The following ATG7 variants were observed in gnomAD, a reference collection of about 807,000 sequenced individuals.
The protein encoded by ATG7 is autophagy related 7, also known as ubiquitin-like modifier-activating enzyme ATG7.
In ATG7, 70 loss-of-function variants were observed where a neutral mutation model predicts 82.4. The ratio of observed to expected loss-of-function variants is 0.85; its 90% confidence interval spans 0.70 to 1.04. The LOEUF is 1.04. Ranked by LOEUF, ATG7 falls within the 50% of genes least tolerant of loss-of-function variation. ATG7 has a pLI of 0.00. For missense variants in ATG7, 792 were observed against 864.3 expected, an observed-to-expected ratio of 0.92 and a Z score of 1.05; for synonymous variants, 287 against 313.0, an observed-to-expected ratio of 0.92 and a Z score of 0.88.
intron 19 of ATG7, among the ~76,000 whole-genome samples, chr3:11,425,446 T>C (rs1469432188): frequency 6.6e-6 from 1 of 152,234 alleles, no homozygotes; most frequent in African/African-American, 2.4e-5. Context: ...GCATTGTTGA[T>C]TTCTTAGATA....
intron 18 of ATG7, among the ~76,000 whole-genome samples, chr3:11,370,512 T>G (rs2076924425): frequency 6.6e-6 from 1 of 151,256 alleles, no homozygotes; most frequent in Admixed American, 6.6e-5. Context: ...TTAGTTTTTA[T>G]TTATGCGAAC....
chr3:11,503,301 A>G (rs1177758474), intron 20 of ATG7, among the ~76,000 whole-genome samples: 1 of 152,224 alleles, frequency 6.6e-6, no homozygotes, highest in Non-Finnish European at 1.5e-5. Flanking sequence ...ACTAGACTAA[A>G]TTTGAAGGAA....
In ATG7 at chr3:11,274,492, T is replaced by C. The variant is rs143794261; in HGVS notation, c.-366+2062T>C. 8.4e-3 allele frequency among the ~76,000 whole-genome samples: 1,282 copies of C among 152,064 alleles called. 7 individuals carry two copies. Among genetic ancestry groups the C allele is most frequent in the Non-Finnish European group, 0.012 (805 of 67,986 alleles). On this transcript the variant is annotated intron_variant, in intron 1 of 20. Coordinates refer to ENST00000693202, the MANE Select transcript of ATG7 (RefSeq NM_001349232.2). ...CTGACAGGTGAAGAGTGGTTCGAAG[T>C]GAGATGAGCAAAGGGCTAGAGGTGA...
At chr3:11,530,762 C>T (rs982244288) in intron 20 of ATG7, among the ~76,000 whole-genome samples, 3 of 152,196 alleles carry the variant, frequency 2.0e-5, no homozygotes, top group African/African-American at 7.2e-5. Flanking sequence ...AGGCAGATCA[C>T]TTGAGGTCAG....
rs374004870 is a variant in ATG7 at position 11,440,416 on chromosome 3, C to G, written c.2079+13490C>G. Among the ~76,000 whole-genome samples the G allele has an allele frequency of 3.8e-3, 553 of 146,984 alleles. 5 individuals are homozygous for G. The highest frequency in any genetic ancestry group is 0.013 in the African/African-American group (514 of 39,940). On this transcript the variant is annotated intron_variant, in intron 20 of 20. Coordinates refer to ENST00000693202, the MANE Select transcript of ATG7 (RefSeq NM_001349232.2). The stretch of plus-strand genomic sequence containing the variant: ...CTCGGCTCACTGCAAGCTCCGCCTC[C>G]CGGGTTCACGCCATTCTCCTGCCTC...
At chr3:11,564,931 G>A in the ATG7 span, 4 of 1,587,574 alleles carry the variant, frequency 2.5e-6, no homozygotes, top group Non-Finnish European at 3.4e-6. Flanking sequence ...CTGCCGTGCA[G>A]GCTCATGGTG....
At chr3:11,457,143 G>A (rs931884451) in intron 20 of ATG7, among the ~76,000 whole-genome samples, 8 of 152,170 alleles carry the variant, frequency 5.3e-5, no homozygotes, top group Admixed American at 2.6e-4. Context: ...CAGACCCTAA[G>A]AAAACAGCTT....
chr3:11,441,056 G>T (rs2083900953), intron 20 of ATG7, among the ~76,000 whole-genome samples: 1 of 152,088 alleles, frequency 6.6e-6, no homozygotes, highest in Non-Finnish European at 1.5e-5. Context: ...TCTTATTGTT[G>T]CAGGACAAAG....
chr3:11,492,247 T>G (rs1282655128), intron 20 of ATG7, among the ~76,000 whole-genome samples: 3 of 152,194 alleles, frequency 2.0e-5, no homozygotes, highest in South Asian at 2.1e-4. Context: ...TGTCACCCCT[T>G]TCTTTGACTA....
At chr3:11,293,211 C>T (rs1945247412) in intron 3 of ATG7, among the ~76,000 whole-genome samples, 1 of 152,134 alleles carries the variant, frequency 6.6e-6, no homozygotes, top group African/African-American at 2.4e-5. Flanking sequence ...GATTCATTGG[C>T]ATACAGACAG....
At chr3:11,549,708 C>T (rs2071600456) in intron 20 of ATG7, among the ~76,000 whole-genome samples, 1 of 152,184 alleles carries the variant, frequency 6.6e-6, no homozygotes, top group Non-Finnish European at 1.5e-5. Context: ...CATTCTGGCT[C>T]AAGTTTTTCT....
intron 16 of ATG7, among the ~76,000 whole-genome samples, chr3:11,361,716 G>A (rs1313193657): frequency 6.6e-6 from 1 of 152,196 alleles, no homozygotes; most frequent in Non-Finnish European, 1.5e-5. Context: ...GAGGAGGGAA[G>A]AATACCTGCC....
At chr3:11,347,854 C>G in intron 13 of ATG7, 23 bp from the exon 14 acceptor site, 1 of 1,605,534 alleles carries the variant, frequency 6.2e-7, no homozygotes, top group Non-Finnish European at 8.5e-7. Flanking sequence ...AGAAACACAC[C>G]ATGATCTCCT....
intron 20 of ATG7, among the ~76,000 whole-genome samples, chr3:11,481,739 G>T (rs763076481): frequency 1.3e-5 from 2 of 152,214 alleles, no homozygotes; most frequent in Non-Finnish European, 2.9e-5. Context: ...GAGACTTGGT[G>T]AAGTGGATAA....
downstream of ATG7, chr3:11,558,475 A>T (rs900382937): frequency 1.4e-4 from 113 of 789,088 alleles, no homozygotes; most frequent in East Asian, 2.6e-4. Flanking sequence ...CACCCCCATG[A>T]TTTTTTTTTT....
chr3:11,511,259 C>A (rs1291070270), intron 20 of ATG7, among the ~76,000 whole-genome samples: 15 of 152,056 alleles, frequency 9.9e-5, no homozygotes, highest in Non-Finnish European at 1.8e-4. Flanking sequence ...TTGGTAGAGC[C>A]GAGTGGCCTG....
At chr3:11,480,456 GA>G (rs1478008872) in intron 20 of ATG7, among the ~76,000 whole-genome samples, 1 of 152,138 alleles carries the variant, frequency 6.6e-6, no homozygotes, top group Non-Finnish European at 1.5e-5. Context: ...AGGATTGCTT[GA>G]GAGCATTATT....
At chr3:11,324,236 T>A (rs1339113790) in intron 9 of ATG7, among the ~76,000 whole-genome samples, 1 of 152,194 alleles carries the variant, frequency 6.6e-6, no homozygotes, top group Non-Finnish European at 1.5e-5. Context: ...GAACTCCTAG[T>A]CAGTGATTAT....
At chr3:11,283,934 A>G (rs1943509715) in intron 3 of ATG7, among the ~76,000 whole-genome samples, 1 of 152,192 alleles carries the variant, frequency 6.6e-6, no homozygotes, top group African/African-American at 2.4e-5. Flanking sequence ...TCTGTCTCAA[A>G]GAAAAACAAA....
Sources: gnomAD v4.1 joint callset for allele counts (sites outside exome capture counted in the v4.1 genomes callset) on GRCh38, gnomAD v4.1.1 for gene constraint, MANE v1.5 for transcripts, NCBI Gene and HGNC (gene_info 2026-07-23, HGNC 2026-07-21) for gene names.